The following DTNB variants were observed in gnomAD, a reference collection of about 807,000 sequenced individuals.
The protein encoded by DTNB is DTN-B.
Under a neutral mutation model 90.7 loss-of-function variants are expected in DTNB, and 63 were observed. The ratio of observed to expected loss-of-function variants is 0.69; its 90% CI spans 0.57 to 0.86. The LOEUF is 0.86. DTNB is among the 40% of genes least tolerant of loss of function. DTNB has a pLI of 0.00. For missense variants in DTNB, 744 were observed against 807.1 expected (o/e 0.92, Z 0.95); for synonymous variants, 277 against 286.7 (o/e 0.97, Z 0.34).
intron 3 of DTNB, among the ~76,000 whole-genome samples, chr2:25,634,466 C>A (rs543728525): frequency 2.7e-4 from 40 of 149,354 alleles, no homozygotes; most frequent in African/African-American, 8.1e-4. Context: ...CCAGTCGCCC[C>A]GTCGGGGAGG....
chr2:25,521,538 T>C (rs1189763224), intron 9 of DTNB, among the ~76,000 whole-genome samples: 1 of 151,894 alleles, frequency 6.6e-6, no homozygotes, highest in Non-Finnish European at 1.5e-5. Context: ...TGCATGCAAC[T>C]GTACCCGCCT....
Position 25,417,297 on chromosome 2 carries a change from T to G in DTNB, c.1575+2218A>C, listed in dbSNP as rs551886922. Among the ~76,000 whole-genome samples, 300 of 152,294 alleles carry G rather than the reference T, an allele frequency of 2.0e-3. 1 individual carries two copies. The highest frequency in any genetic ancestry group is 6.9e-3 in the African/African-American group (288 of 41,558). Reference sequence around the variant, plus strand: ...CAGTCTAGGTTCTCATTTTGCCAACTTCAAGGGGATGGTGATCTCACACAG... The same window carrying G: ...CAGTCTAGGTTCTCATTTTGCCAACGTCAAGGGGATGGTGATCTCACACAG... On this transcript the variant is annotated intron_variant, in intron 16 of 20. Transcript: ENST00000406818.
intron 2 of DTNB, 56 bp downstream of exon 2, chr2:25,652,532 TAAAAAA>T: frequency 7.9e-7 from 1 of 1,271,828 alleles, no homozygotes. Context: ...TGACTTGATC[TAAAAAA>T]AAAAAAAAAA....
At chr2:25,639,299 A>G (rs2077724514) in intron 2 of DTNB, 1 of 431,068 alleles carries the variant, frequency 2.3e-6, no homozygotes, top group Non-Finnish European at 4.2e-6. Flanking sequence ...CTGCTAGTCT[A>G]GCTCCTGATA....
intron 15 of DTNB, 77 bp downstream of exon 15, chr2:25,427,458 A>C (rs2052185271): frequency 3.5e-6 from 5 of 1,426,358 alleles, no homozygotes. Flanking sequence ...TCCTATTCTG[A>C]CATCACAGGG....
At chr2:25,635,636 C>G (rs1382222174) in intron 3 of DTNB, among the ~76,000 whole-genome samples, 1 of 151,740 alleles carries the variant, frequency 6.6e-6, no homozygotes, top group African/African-American at 2.4e-5. Context: ...CAGGACTGTA[C>G]AGTAAAAGAG....
At chr2:25,654,489 C>G (rs1296538563) in intron 1 of DTNB, among the ~76,000 whole-genome samples, 3 of 152,126 alleles carry the variant, frequency 2.0e-5, no homozygotes, top group Non-Finnish European at 2.9e-5. Context: ...GCTGAGAAAC[C>G]CTGAGACAGA....
intron 13 of DTNB, among the ~76,000 whole-genome samples, chr2:25,433,679 A>C (rs2054707751): frequency 6.6e-6 from 1 of 152,132 alleles, no homozygotes; most frequent in African/African-American, 2.4e-5. Context: ...CCCTGCTAAA[A>C]GGAATCCCCC....
intron 8 of DTNB, among the ~76,000 whole-genome samples, chr2:25,563,191 C>T (rs2058517766): frequency 6.6e-6 from 1 of 152,188 alleles, no homozygotes; most frequent in African/African-American, 2.4e-5. Context: ...TTTCATCGTG[C>T]AAATCTGAAA....
chr2:25,419,896 TG>T (rs2149799248), intron 15 of DTNB, among the ~76,000 whole-genome samples: 1 of 152,284 alleles, frequency 6.6e-6, no homozygotes, highest in South Asian at 2.1e-4. Context: ...AACCATGACT[TG>T]AAATTGTAAT....
At position 25,496,628 on chromosome 2, in the gene DTNB, G is replaced by A. The variant is rs368991292; in HGVS notation, c.1002-13755C>T. ...GGAGGCTGAGGCAGGCGGATCACCT[G>A]AGGTCAAAAGTTCAAGACGAGCGTG... is the stretch of plus-strand genomic sequence containing the variant. On this transcript the variant is annotated intron_variant, in intron 9 of 20. Transcript: ENST00000406818. Among the ~76,000 whole-genome samples the A allele has an allele frequency of 3.3e-5, 5 of 152,152 alleles. No individual in the cohort carries two copies. The East Asian group carries it at 9.6e-4, about 29-fold the overall frequency.
At chr2:25,416,625 C>T (rs372116959) in intron 16 of DTNB, among the ~76,000 whole-genome samples, 236 of 152,252 alleles carry the variant, frequency 1.6e-3, no homozygotes, top group South Asian at 2.9e-3. Context: ...AAGGTCGCAC[C>T]ACTGTACTCC....
chr2:25,398,625 C>T (rs2042969150), intron 16 of DTNB, among the ~76,000 whole-genome samples: 1 of 152,184 alleles, frequency 6.6e-6, no homozygotes, highest in Admixed American at 6.5e-5. Context: ...AACTCTGTTC[C>T]TTGGTGGTTT....
chr2:25,533,311 AGTGAGACCCCATCTC>A (rs59129191), intron 8 of DTNB, among the ~76,000 whole-genome samples: 41,704 of 151,806 alleles, frequency 0.27, 6,275 homozygotes, highest in East Asian at 0.51. Context: ...TGGGCGACAG[AGTGAGACCCCATCTC>A]AAAGAAAAGA....
intron 12 of DTNB, among the ~76,000 whole-genome samples, chr2:25,439,044 A>C (rs1208012496): frequency 6.6e-6 from 1 of 152,266 alleles, no homozygotes; most frequent in Non-Finnish European, 1.5e-5. Context: ...AGAGGAGCCT[A>C]AGATGACATG....
intron 16 of DTNB, among the ~76,000 whole-genome samples, chr2:25,414,065 G>T (rs1185636153): frequency 3.3e-5 from 5 of 152,206 alleles, no homozygotes; most frequent in African/African-American, 9.7e-5. Context: ...TCTGTTGGCT[G>T]CATAAATGTC....
chr2:25,580,933 A>T (rs2061475173), intron 6 of DTNB, 107 bp from the exon 7 acceptor site: 2 of 841,294 alleles, frequency 2.4e-6, no homozygotes, highest in African/African-American at 3.5e-5. Flanking sequence ...TTACACGGTA[A>T]ATTTTATAGC....
intron 10 of DTNB, among the ~76,000 whole-genome samples, chr2:25,477,796 C>A (rs569459551): frequency 6.6e-6 from 1 of 152,146 alleles, no homozygotes; most frequent in South Asian, 2.1e-4. Flanking sequence ...TCCTGAGTAC[C>A]TCTACCTTTT....
intron 14 of DTNB, among the ~76,000 whole-genome samples, chr2:25,431,455 T>TAA (rs2053822150): frequency 6.6e-6 from 1 of 152,244 alleles, no homozygotes; most frequent in African/African-American, 2.4e-5. Flanking sequence ...CAGCACACTT[T>TAA]AAAATAGTCC....
Sources: gnomAD v4.1 joint callset for allele counts (sites outside exome capture counted in the v4.1 genomes callset) on GRCh38, gnomAD v4.1.1 for gene constraint, MANE v1.5 for transcripts, NCBI Gene and HGNC (gene_info 2026-07-23, HGNC 2026-07-21) for gene names.